TRPM3: variants seen among roughly 807,000 people sequenced by gnomAD.
The protein encoded by TRPM3 is transient receptor potential cation channel subfamily M member 3.
TRPM3 carries 77 observed loss-of-function variants against 181.2 expected under a neutral mutation model. That is an observed-to-expected ratio of 0.42 (90% CI 0.35 to 0.51). The LOEUF (loss-of-function observed/expected upper bound fraction) is 0.51. Among genes scored for constraint, TRPM3 ranks in the 20% least tolerant of loss-of-function variants. TRPM3 has a pLI of 0.01. For missense variants in TRPM3, 1,759 were observed against 2,196.7 expected (o/e 0.80, Z 3.98); for synonymous variants, 745 against 796.4 (o/e 0.94, Z 1.09).
At chr9:70,997,311 T>C (rs2097549282) in intron 1 of TRPM3, among the ~76,000 whole-genome samples, 1 of 152,150 alleles carries the variant, frequency 6.6e-6, no homozygotes, top group Non-Finnish European at 1.5e-5. Flanking sequence ...CTATTCTGCC[T>C]CAGCCTCCTG....
intron 1 of TRPM3, among the ~76,000 whole-genome samples, chr9:71,395,468 T>C (rs892966893): frequency 7.2e-5 from 11 of 152,178 alleles, no homozygotes; most frequent in African/African-American, 9.6e-5. Context: ...TTAGACATTC[T>C]AGGGAGAGTG....
chr9:71,081,243 G>A (rs1462421124), intron 1 of TRPM3, among the ~76,000 whole-genome samples: 1 of 152,186 alleles, frequency 6.6e-6, no homozygotes, highest in Non-Finnish European at 1.5e-5. Context: ...CACAGAGAAT[G>A]GTAATGAATA....
chr9:71,064,375 A>C (rs2061663265), intron 1 of TRPM3, among the ~76,000 whole-genome samples: 1 of 152,040 alleles, frequency 6.6e-6, no homozygotes, highest in Non-Finnish European at 1.5e-5. Context: ...ACGTACTTTA[A>C]AGAGCTTAAA....
At chr9:70,871,387 AT>A (rs1225166952) in intron 1 of TRPM3, among the ~76,000 whole-genome samples, 1 of 151,892 alleles carries the variant, frequency 6.6e-6, no homozygotes, top group East Asian at 1.9e-4. Context: ...TTGCTTATGT[AT>A]TTTTTTACCC....
At chr9:71,281,393 T>C (rs559422803) in intron 1 of TRPM3, among the ~76,000 whole-genome samples, 1 of 152,326 alleles carries the variant, frequency 6.6e-6, no homozygotes, top group South Asian at 2.1e-4. Context: ...CCAAATCACT[T>C]GCCCCCAACT....
At chr9:71,231,217 G>A (rs1485885937) in intron 1 of TRPM3, among the ~76,000 whole-genome samples, 1 of 152,132 alleles carries the variant, frequency 6.6e-6, no homozygotes, top group Non-Finnish European at 1.5e-5. Flanking sequence ...TTGAGGTGGG[G>A]AGATTATGCT....
At chr9:71,414,174 A>G (rs1157731378) in intron 1 of TRPM3, among the ~76,000 whole-genome samples, 2 of 152,136 alleles carry the variant, frequency 1.3e-5, no homozygotes, top group Admixed American at 1.3e-4. Context: ...TGTGGTCTAC[A>G]AAGCTAAAAG....
In TRPM3 at chr9:71,088,561, G is replaced by A. The variant is rs187361362; in HGVS notation, c.177+32617C>T. Reference sequence around the variant, plus strand: ...CATATGCTGCTTCTCTCTGGCTCTAGACTCAAGCTAAATAACATTACTTAA... The same window carrying A: ...CATATGCTGCTTCTCTCTGGCTCTAAACTCAAGCTAAATAACATTACTTAA... On this transcript the variant is annotated intron_variant, in intron 1 of 25. Transcript: ENST00000677713. Among the ~76,000 whole-genome samples, 724 of 152,108 alleles carry A rather than the reference G, an allele frequency of 4.8e-3. 2 individuals carry two copies. Among genetic ancestry groups the A allele is most frequent in the Non-Finnish European group, 8.4e-3 (569 of 67,982 alleles).
intron 8 of TRPM3, among the ~76,000 whole-genome samples, chr9:70,749,539 AC>A (rs1165429814): frequency 6.6e-6 from 1 of 152,226 alleles, no homozygotes; most frequent in Non-Finnish European, 1.5e-5. Context: ...TATTTTGGAA[AC>A]TATAGGGCAG....
intron 1 of TRPM3, among the ~76,000 whole-genome samples, chr9:71,007,475 A>T (rs2097692471): frequency 6.6e-6 from 1 of 152,206 alleles, no homozygotes; most frequent in South Asian, 2.1e-4. Context: ...AGGTCAGAAA[A>T]TAAGTCTTAA....
intron 1 of TRPM3, among the ~76,000 whole-genome samples, chr9:71,188,064 C>A (rs768820296): frequency 4.6e-5 from 7 of 151,862 alleles, no homozygotes; most frequent in Non-Finnish European, 1.0e-4. Flanking sequence ...ATATTACAGA[C>A]AACTTTAATA....
intron 1 of TRPM3, among the ~76,000 whole-genome samples, chr9:71,286,439 C>T (rs972989026): frequency 1.1e-4 from 16 of 152,138 alleles, no homozygotes; most frequent in African/African-American, 3.9e-4. Context: ...CCCAGAGAAT[C>T]TAGCCCATTA....
chr9:70,950,095 CATG>C (rs1171099048), intron 1 of TRPM3, among the ~76,000 whole-genome samples: 2 of 152,150 alleles, frequency 1.3e-5, no homozygotes, highest in African/African-American at 2.4e-5. Flanking sequence ...CCTTCACAGT[CATG>C]ATATTTCTTT....
At chr9:71,201,375 T>G (rs1238872041) in intron 1 of TRPM3, among the ~76,000 whole-genome samples, 1 of 152,034 alleles carries the variant, frequency 6.6e-6, no homozygotes, top group Non-Finnish European at 1.5e-5. Flanking sequence ...TCTCGAGGAG[T>G]ATCTTTGTGG....
chr9:70,948,117 A>AT lies in TRPM3; in HGVS notation c.178-83607dup, dbSNP rs5898171. ...TTTTTACTCTCACATTGAAAAGCCA[A>AT]TTTTTTTTTTTTTTGTCTTTCAGAT... is the stretch of plus-strand genomic sequence containing the variant. On this transcript the variant is annotated intron_variant, in intron 1 of 25. Coordinates refer to ENST00000677713, the MANE Select transcript of TRPM3 (RefSeq NM_001366145.2). Among the ~76,000 whole-genome samples the AT allele has an allele frequency of 7.8e-3, 1,121 of 143,754 alleles. 10 individuals are homozygous for AT. The highest frequency in any genetic ancestry group is 0.019 in the African/African-American group (729 of 38,380). 94.3% of individuals were successfully genotyped at this position (143,754 alleles called of 152,430 possible).
At chr9:71,403,463 G>C (rs1242674367) in intron 1 of TRPM3, among the ~76,000 whole-genome samples, 2 of 152,118 alleles carry the variant, frequency 1.3e-5, no homozygotes, top group Non-Finnish European at 2.9e-5. Flanking sequence ...CTTGTTTCTG[G>C]AAACTGTATG....
chr9:71,260,650 T>C (rs1385452735), intron 1 of TRPM3, among the ~76,000 whole-genome samples: 5 of 152,236 alleles, frequency 3.3e-5, no homozygotes, highest in African/African-American at 4.8e-5. Context: ...CAATTGTGAA[T>C]GGGAGTTTGC....
intron 3 of TRPM3, among the ~76,000 whole-genome samples, chr9:70,861,093 C>T (rs1484126549): frequency 2.7e-5 from 4 of 150,778 alleles, no homozygotes; most frequent in African/African-American, 9.7e-5. Context: ...TATTTTTTAA[C>T]GGTAAAAAAC....
At chr9:71,296,629 T>G (rs2086280034) in intron 1 of TRPM3, among the ~76,000 whole-genome samples, 1 of 152,082 alleles carries the variant, frequency 6.6e-6, no homozygotes, top group Admixed American at 6.5e-5. Context: ...TGCTTGAATT[T>G]TATTCTAATG....
Sources: gnomAD v4.1 joint callset for allele counts (sites outside exome capture counted in the v4.1 genomes callset) on GRCh38, gnomAD v4.1.1 for gene constraint, MANE v1.5 for transcripts, NCBI Gene and HGNC (gene_info 2026-07-23, HGNC 2026-07-21) for gene names.